The following TG variants were observed in gnomAD, a reference collection of about 807,000 sequenced individuals.
The protein encoded by TG is thyroglobulin, also known as thyroid hormones.
In TG, 270 loss-of-function variants were observed where a neutral mutation model predicts 324.7. The ratio of observed to expected loss-of-function variants is 0.83; its 90% CI spans 0.75 to 0.92. The LOEUF (loss-of-function observed/expected upper bound fraction) is 0.92, where lower values mean the gene tolerates loss of function less well. Among genes scored for constraint, TG ranks in the 40% least tolerant of loss-of-function variants. TG has a pLI of 0.00. For synonymous variants in TG, 1,401 were observed against 1,327.0 expected, an observed-to-expected ratio of 1.06 and a Z score of -1.21; for missense variants, 3,591 against 3,456.4, an observed-to-expected ratio of 1.04 and a Z score of -0.98.
intron 29 of TG, 103 bp from the exon 30 acceptor site, chr8:132,966,456 GT>G: frequency 1.7e-6 from 2 of 1,174,216 alleles, no homozygotes; most frequent in Non-Finnish European, 2.5e-6. Context: ...TTCTCTCTCT[GT>G]CTCTCTCTCT....
chr8:132,882,719 G>A, intron 7 of TG, 95 bp from the exon 8 acceptor site: 3 of 1,612,106 alleles, frequency 1.9e-6, no homozygotes, highest in Non-Finnish European at 1.7e-6. Flanking sequence ...TGAGGGCAGA[G>A]ATGAAAAGAA....
At position 133,127,104 on chromosome 8, in the gene TG, AT is replaced by A. The variant is rs551418016; in HGVS notation, c.7863-4707del. Among the ~76,000 whole-genome samples the A allele has an allele frequency of 7.9e-5, 12 of 152,226 alleles. No homozygotes were observed. In the East Asian group the frequency reaches 2.3e-3, roughly 29 times the overall value. ...CCATTATCAGCAGAATGGCTTCCCC[AT>A]GCAAAACAGTGTCTTATTTCTGTCA... On this transcript the variant is annotated intron_variant, in intron 45 of 47. Coordinates refer to ENST00000220616, the MANE Select transcript of TG (RefSeq NM_003235.5).
At chr8:133,029,471 AGCTGT>A (rs1271639755) in intron 40 of TG, among the ~76,000 whole-genome samples, 3 of 152,174 alleles carry the variant, frequency 2.0e-5, no homozygotes, top group African/African-American at 7.2e-5. Context: ...GTGGACCTGA[AGCTGT>A]GCTGCCTCAA....
chr8:133,047,947 A>G (rs774852076), intron 41 of TG: 2 of 1,543,232 alleles, frequency 1.3e-6, no homozygotes, highest in Non-Finnish European at 1.8e-6. Flanking sequence ...GGAAGGAGGA[A>G]GACAGCCATT....
chr8:132,889,365 C>T (rs1323236657), intron 10 of TG, among the ~76,000 whole-genome samples: 1 of 152,212 alleles, frequency 6.6e-6, no homozygotes, highest in South Asian at 2.1e-4. Flanking sequence ...TTAACATTGT[C>T]TGGACCTTCC....
At chr8:133,002,471 T>G (rs1833616843) in intron 35 of TG, 1 of 932,178 alleles carries the variant, frequency 1.1e-6, no homozygotes. Context: ...GAATAGCAAA[T>G]ACATTACACA....
intron 35 of TG, among the ~76,000 whole-genome samples, chr8:133,006,155 G>T (rs1387659442): frequency 1.3e-5 from 2 of 152,222 alleles, no homozygotes; most frequent in Non-Finnish European, 2.9e-5. Flanking sequence ...GTTTCTCAGA[G>T]TAGTTAAGGG....
In TG at chr8:132,967,912, T is replaced by C; in HGVS notation, c.5805T>C (p.Asn1935=). 5.0e-6 allele frequency: 8 copies of C among 1,613,976 alleles called. No homozygotes were observed. Among genetic ancestry groups the C allele is most frequent in the Non-Finnish European group, 6.8e-6 (8 of 1,179,936 alleles). The change falls in exon 31 of 48, where the codon AAT becomes AAC. Residue 1935 remains asparagine (N), a synonymous_variant. Coordinates refer to ENST00000220616, the MANE Select transcript of TG (RefSeq NM_003235.5). Reference sequence around the variant, plus strand: ...TGTGTGATGACATCATGGAGTCCAATGCCCAGGGCTGCAGACTGATCCTGC... The same window carrying C: ...TGTGTGATGACATCATGGAGTCCAACGCCCAGGGCTGCAGACTGATCCTGC... The part of the protein sequence containing the change: ...AQVCDDIMES[N]AQGCRLILPQ...
intron 41 of TG, among the ~76,000 whole-genome samples, chr8:133,065,472 A>G (rs1842910395): frequency 6.6e-6 from 1 of 152,192 alleles, no homozygotes. Context: ...GATTTTTAAA[A>G]GTTATCAGGC....
chr8:133,106,871 C>A (rs1849847687), intron 43 of TG, among the ~76,000 whole-genome samples: 1 of 152,200 alleles, frequency 6.6e-6, no homozygotes, highest in African/African-American at 2.4e-5. Context: ...ATGCCTCGAG[C>A]TGCTCCTGGC....
At chr8:133,007,799 T>A (rs1318575649) in intron 35 of TG, among the ~76,000 whole-genome samples, 1 of 150,528 alleles carries the variant, frequency 6.6e-6, no homozygotes, top group African/African-American at 2.4e-5. Context: ...AGGAAAGTAG[T>A]GTCAAGGGAG....
chr8:132,901,668 G>A lies in TG; in HGVS notation c.3634+115G>A. On this transcript the variant is annotated intron_variant, in intron 16 of 47. Coordinates refer to ENST00000220616, the MANE Select transcript of TG (RefSeq NM_003235.5). ...AGGGGTGGGAGGGGAGGCAGGAAGT[G>A]CAGGAGGGATGTAGTTGTGGTTGAG... The A allele has an allele frequency of 5.3e-6, 6 of 1,133,304 alleles. No homozygotes were observed. The Middle Eastern group carries it at 1.8e-3, about 337-fold the overall frequency. The allele number at this position is 1,133,304 out of a possible 1,614,324, so 70.2% of individuals were successfully genotyped here.
intron 2 of TG, among the ~76,000 whole-genome samples, chr8:132,868,786 C>A (rs1839208052): frequency 6.6e-6 from 1 of 152,242 alleles, no homozygotes; most frequent in Admixed American, 6.5e-5. Flanking sequence ...GGGCCTGAGA[C>A]CCTCTCTGTG....
chr8:132,905,100 G>C (rs770647570), intron 16 of TG, among the ~76,000 whole-genome samples: 1 of 152,168 alleles, frequency 6.6e-6, no homozygotes, highest in African/African-American at 2.4e-5. Flanking sequence ...GGTGTACCTG[G>C]CACATACTAC....
chr8:133,070,421 C>T (rs1007378972), intron 41 of TG, among the ~76,000 whole-genome samples: 30 of 152,296 alleles, frequency 2.0e-4, no homozygotes, highest in Middle Eastern at 3.4e-3. Flanking sequence ...ATCCACTATG[C>T]GGAGGGCCTA....
chr8:133,030,147 G>A, intron 41 of TG, 124 bp downstream of exon 41: 1 of 1,219,592 alleles, frequency 8.2e-7, no homozygotes, highest in Non-Finnish European at 1.2e-6. Context: ...TGTCCTGAGT[G>A]TGGATGCTGC....
rs115936153 is a variant in TG, at chr8:132,897,682, C to T, written c.3035C>T (p.Pro1012Leu). ...TTCTATCAGAGACGCCGCTTTTCCCCGGACGACTCGGCTGGAGCATCCGCC... is the reference window on the plus strand; with the variant it reads ...TTCTATCAGAGACGCCGCTTTTCCCTGGACGACTCGGCTGGAGCATCCGCC... ...LSFYQRRRFS[P>L]DDSAGASALL... The change falls in exon 12 of 48, where the codon CCG becomes CTG. Residue 1012 changes from proline (P) to leucine (L), a missense_variant. Coordinates refer to ENST00000220616, the MANE Select transcript of TG (RefSeq NM_003235.5). 7.1e-4 allele frequency: 1,144 copies of T among 1,614,212 alleles called. 16 individuals are homozygous for T. The East Asian group carries it at 0.018, about 25-fold the overall frequency.
At position 132,872,911 on chromosome 8, in the gene TG, T is replaced by G. The variant is rs1036254343; in HGVS notation, c.479-151T>G. On this transcript the variant is annotated intron_variant, in intron 4 of 47. Transcript: ENST00000220616. Reference sequence around the variant, plus strand: ...ACCATCTAGGTCTGCATAAGTACACTCTATGATGTTCACACGACAATGAAA... The same window carrying G: ...ACCATCTAGGTCTGCATAAGTACACGCTATGATGTTCACACGACAATGAAA... The G allele has an allele frequency of 3.5e-6, 3 of 854,928 alleles. No homozygotes were observed. In the Middle Eastern group the frequency reaches 1.0e-3, roughly 288 times the overall value. The allele number at this position is 854,928 out of a possible 1,614,324, so 53.0% of individuals were successfully genotyped here.
chr8:133,106,798 C>T (rs943446288), intron 43 of TG, among the ~76,000 whole-genome samples: 4 of 152,202 alleles, frequency 2.6e-5, no homozygotes, highest in African/African-American at 9.7e-5. Flanking sequence ...GTCAGCCTGT[C>T]TCACAGAACT....
Sources: gnomAD v4.1 joint callset for allele counts (sites outside exome capture counted in the v4.1 genomes callset) on GRCh38, gnomAD v4.1.1 for gene constraint, MANE v1.5 for transcripts, NCBI Gene and HGNC (gene_info 2026-07-23, HGNC 2026-07-21) for gene names.